The following ZNF385D variants were observed in gnomAD, a reference collection of about 807,000 sequenced individuals.
The protein encoded by ZNF385D is zinc finger protein 659.
Under a neutral mutation model 35.8 loss-of-function variants are expected in ZNF385D, and 15 were observed. The ratio of observed to expected loss-of-function variants is 0.42; its 90% confidence interval spans 0.28 to 0.64. The LOEUF (loss-of-function observed/expected upper bound fraction) is 0.64, where lower values mean the gene tolerates loss of function less well. ZNF385D is among the 30% of genes least tolerant of loss of function. The pLI, the probability that ZNF385D is intolerant of heterozygous loss-of-function variation, is 0.23. For synonymous variants in ZNF385D, 212 were observed against 186.8 expected (o/e 1.13, Z -1.10); for missense variants, 474 against 494.6 (o/e 0.96, Z 0.39).
intron 3 of ZNF385D, among the ~76,000 whole-genome samples, chr3:21,959,320 T>C (rs1702456502): frequency 6.6e-6 from 1 of 152,118 alleles, no homozygotes; most frequent in South Asian, 2.1e-4. Context: ...ATGAAGATGC[T>C]GAATGCAGCT....
At chr3:22,104,637 G>T (rs1294659624) in intron 3 of ZNF385D, among the ~76,000 whole-genome samples, 1 of 151,084 alleles carries the variant, frequency 6.6e-6, no homozygotes, top group African/African-American at 2.4e-5. Context: ...ACGACAACAG[G>T]CAACAGTGGC....
At chr3:21,885,297 C>A (rs1698483299) in intron 3 of ZNF385D, among the ~76,000 whole-genome samples, 1 of 151,898 alleles carries the variant, frequency 6.6e-6, no homozygotes, top group South Asian at 2.1e-4. Flanking sequence ...CTAACATAAA[C>A]TAAAATATCA....
At chr3:21,675,025 TTTA>T (rs1362110484) in intron 1 of ZNF385D, among the ~76,000 whole-genome samples, 4 of 152,038 alleles carry the variant, frequency 2.6e-5, no homozygotes, top group African/African-American at 9.7e-5. Context: ...TACCCATTTT[TTTA>T]TTGTGTCCAA....
At chr3:21,882,387 T>C (rs183619075) in intron 3 of ZNF385D, among the ~76,000 whole-genome samples, 6 of 148,766 alleles carry the variant, frequency 4.0e-5, no homozygotes, top group Non-Finnish European at 5.9e-5. Flanking sequence ...ATTGTAAGCA[T>C]TTTTTAGTAA....
At chr3:22,324,685 C>G (rs140846159) in intron 2 of ZNF385D, among the ~76,000 whole-genome samples, 6 of 152,160 alleles carry the variant, frequency 3.9e-5, no homozygotes, top group Non-Finnish European at 8.8e-5. Flanking sequence ...ATTTGACAAG[C>G]TAATTCTAAA....
intron 2 of ZNF385D, among the ~76,000 whole-genome samples, chr3:21,575,406 C>G (rs1486105090): frequency 6.6e-6 from 1 of 152,134 alleles, no homozygotes; most frequent in Non-Finnish European, 1.5e-5. Flanking sequence ...AGGCTTATTT[C>G]TATTAATCTC....
intron 3 of ZNF385D, among the ~76,000 whole-genome samples, chr3:21,792,536 C>T (rs969539579): frequency 5.9e-5 from 9 of 152,184 alleles, no homozygotes; most frequent in African/African-American, 1.9e-4. Flanking sequence ...TAGTTAGTAG[C>T]TGGCTCTTTA....
In ZNF385D at chr3:22,303,880, C is replaced by T. The variant is rs114397898; in HGVS notation, c.106+68570G>A. Among the ~76,000 whole-genome samples, 1,152 of 152,176 alleles carry T rather than the reference C, an allele frequency of 7.6e-3. 15 individuals carry two copies. The highest frequency in any genetic ancestry group is 0.026 in the African/African-American group (1,071 of 41,520). On this transcript the variant is annotated intron_variant, in intron 2 of 5. Transcript: ENST00000494108. The stretch of plus-strand genomic sequence containing the variant: ...GCAAACTCCATCTCCGAGGTTCAAG[C>T]GATTCTTCTGCTTCAGCCTCCCAAG...
chr3:21,898,092 T>C (rs960334648), intron 3 of ZNF385D, among the ~76,000 whole-genome samples: 1 of 152,174 alleles, frequency 6.6e-6, no homozygotes, highest in Admixed American at 6.6e-5. Flanking sequence ...CTAGGAAGTA[T>C]GTGAATGAAA....
At chr3:21,849,993 C>T (rs1013378295) in intron 3 of ZNF385D, among the ~76,000 whole-genome samples, 2 of 152,140 alleles carry the variant, frequency 1.3e-5, no homozygotes, top group African/African-American at 2.4e-5. Flanking sequence ...GTCCTCCCAC[C>T]TCAGCCTGCC....
At chr3:21,762,721 C>T (rs143276242) in intron 3 of ZNF385D, among the ~76,000 whole-genome samples, 74 of 152,250 alleles carry the variant, frequency 4.9e-4, no homozygotes, top group African/African-American at 1.7e-3. Flanking sequence ...CACTGTCAAC[C>T]CCTAGAGGTA....
chr3:21,444,024 A>G (rs1321603276), intron 4 of ZNF385D, among the ~76,000 whole-genome samples: 1 of 152,110 alleles, frequency 6.6e-6, no homozygotes, highest in Non-Finnish European at 1.5e-5. Flanking sequence ...ATTCTAATGA[A>G]AAATATTAAG....
intron 2 of ZNF385D, among the ~76,000 whole-genome samples, chr3:22,261,038 G>A (rs1700600579): frequency 6.6e-6 from 1 of 151,952 alleles, no homozygotes; most frequent in Non-Finnish European, 1.5e-5. Context: ...TGACTCATAT[G>A]TACTAGAAAT....
chr3:21,429,763 G>T (rs2125213582), intron 5 of ZNF385D, among the ~76,000 whole-genome samples: 1 of 152,034 alleles, frequency 6.6e-6, no homozygotes, highest in African/African-American at 2.4e-5. Flanking sequence ...TTTTCAGAAG[G>T]CCCATTAAAT....
chr3:21,572,052 G>T (rs774914075), intron 2 of ZNF385D, among the ~76,000 whole-genome samples: 1 of 152,104 alleles, frequency 6.6e-6, no homozygotes, highest in Non-Finnish European at 1.5e-5. Flanking sequence ...CTCAGAGGTT[G>T]GGATGACATT....
At chr3:21,830,238 T>C (rs1694901390) in intron 3 of ZNF385D, among the ~76,000 whole-genome samples, 3 of 152,250 alleles carry the variant, frequency 2.0e-5, no homozygotes, top group South Asian at 4.1e-4. Flanking sequence ...CTGTCTGTTA[T>C]GCACATGTAT....
At chr3:22,183,393 C>T (rs1047612628) in intron 2 of ZNF385D, among the ~76,000 whole-genome samples, 1 of 151,856 alleles carries the variant, frequency 6.6e-6, no homozygotes, top group Non-Finnish European at 1.5e-5. Flanking sequence ...CTCTGTCGCC[C>T]AGGCTGGAGT....
intron 3 of ZNF385D, among the ~76,000 whole-genome samples, chr3:21,541,998 G>A (rs1054085553): frequency 1.3e-5 from 2 of 152,150 alleles, no homozygotes; most frequent in Non-Finnish European, 1.5e-5. Context: ...CAGCGCTGGT[G>A]CACTCTGAAA....
chr3:21,662,132 G>T (rs889041952), intron 2 of ZNF385D, among the ~76,000 whole-genome samples: 1 of 152,066 alleles, frequency 6.6e-6, no homozygotes, highest in Non-Finnish European at 1.5e-5. Flanking sequence ...GGGTGGCAGA[G>T]TTCATCACTT....
Sources: gnomAD v4.1 joint callset for allele counts (sites outside exome capture counted in the v4.1 genomes callset) on GRCh38, gnomAD v4.1.1 for gene constraint, MANE v1.5 for transcripts, NCBI Gene and HGNC (gene_info 2026-07-23, HGNC 2026-07-21) for gene names.